The following TSNARE1 variants were observed in gnomAD, a reference collection of about 807,000 sequenced individuals.
TSNARE1 encodes the protein t-SNARE domain-containing protein 1.
In TSNARE1, 49 loss-of-function variants were observed where a neutral mutation model predicts 62.0. The ratio of observed to expected loss-of-function variants is 0.79; its 90% CI spans 0.63 to 1.00. The LOEUF is 1.00. Among genes scored for constraint, TSNARE1 ranks in the 50% least tolerant of loss-of-function variants. TSNARE1 has a pLI of 0.00. For missense variants in TSNARE1, 755 were observed against 700.1 expected, an observed-to-expected ratio of 1.08 and a Z score of -0.88; for synonymous variants, 328 against 294.4, an observed-to-expected ratio of 1.11 and a Z score of -1.17.
intron 12 of TSNARE1, among the ~76,000 whole-genome samples, chr8:142,264,600 G>C (rs893861804): frequency 6.6e-6 from 1 of 152,178 alleles, no homozygotes; most frequent in Admixed American, 6.5e-5. Context: ...AAGTGTAGAA[G>C]GGTTTAGGAT....
rs10110836 is a variant in TSNARE1, at chr8:142,344,551, G to T, written c.239-79C>A. 5.1e-6 allele frequency: 7 copies of T among 1,375,550 alleles called. No individual in the cohort carries two copies. The Admixed American group carries it at 2.2e-4, about 43-fold the overall frequency. 85.2% of individuals were successfully genotyped at this position (1,375,550 alleles called of 1,614,324 possible). Reference sequence around the variant, plus strand: ...GGCCCCGGCGGCAGCTCCCTACGGCGCCTCCTCTCTGGTTTCTGCTTCAGG... The same window carrying T: ...GGCCCCGGCGGCAGCTCCCTACGGCTCCTCCTCTCTGGTTTCTGCTTCAGG... On this transcript the variant is annotated intron_variant, in intron 3 of 13. Coordinates refer to ENST00000524325, the MANE Select transcript of TSNARE1 (RefSeq NM_145003.5).
chr8:142,343,933 AC>A (rs1354368829), intron 4 of TSNARE1, 32 bp downstream of exon 4: 14 of 1,494,578 alleles, frequency 9.4e-6, no homozygotes, highest in Non-Finnish European at 1.2e-5. Flanking sequence ...ACAGAGTGGC[AC>A]CCTAGCAAGG....
chr8:142,273,016 G>C, intron 12 of TSNARE1: 1 of 985,468 alleles, frequency 1.0e-6, no homozygotes, highest in South Asian at 4.7e-5. Context: ...TCTATGCAGA[G>C]GTGACTTCAC....
intron 12 of TSNARE1, among the ~76,000 whole-genome samples, chr8:142,268,218 C>T (rs892205950): frequency 3.3e-5 from 5 of 152,236 alleles, no homozygotes; most frequent in African/African-American, 9.6e-5. Context: ...TGGCCATGCT[C>T]CTGCCTGGCC....
intron 10 of TSNARE1, among the ~76,000 whole-genome samples, chr8:142,286,526 AG>A (rs1277961564): frequency 2.0e-5 from 3 of 152,312 alleles, no homozygotes. Context: ...GGTGGGGCCC[AG>A]GGGTCATGGC....
At position 142,265,271 on chromosome 8, in the gene TSNARE1, C is replaced by T. The variant is rs942800699; in HGVS notation, c.1446+9510G>A. 2.0e-4 allele frequency among the ~76,000 whole-genome samples: 30 copies of T among 152,242 alleles called. 2 individuals are homozygous for T. The highest frequency in any genetic ancestry group is 1.8e-3 in the Admixed American group (27 of 15,284). On this transcript the variant is annotated intron_variant, in intron 12 of 13. Transcript: ENST00000524325. ...ACCCTACCCCACTCCACTTCCCTAA[C>T]CCTTGACAACCAGCCACCGCTCTGC...
At position 142,212,479 on chromosome 8, in the gene TSNARE1, C is replaced by T. The variant is rs572884111; in HGVS notation, c.*12-166G>A. Among the ~76,000 whole-genome samples, 7 of 152,076 alleles carry T rather than the reference C, an allele frequency of 4.6e-5. No homozygotes were observed. The East Asian group carries it at 9.7e-4, about 21-fold the overall frequency. ...GAGTGGCCACCTGCAGCTGCAGGGGCCAGACCAGACTCTCCTGGCCCTGGT... is the reference window on the plus strand; with the variant it reads ...GAGTGGCCACCTGCAGCTGCAGGGGTCAGACCAGACTCTCCTGGCCCTGGT... On this transcript the variant is annotated intron_variant, in intron 13 of 13. Coordinates refer to ENST00000524325, the MANE Select transcript of TSNARE1 (RefSeq NM_145003.5).
At chr8:142,314,342 T>C (rs1301104232) in intron 9 of TSNARE1, 42 bp downstream of exon 9, 1 of 1,588,484 alleles carries the variant, frequency 6.3e-7, no homozygotes, top group Admixed American at 1.7e-5. Flanking sequence ...TTCTGGGCTG[T>C]CCCCTAACAG....
chr8:142,281,602 G>A (rs1821472675), intron 11 of TSNARE1, among the ~76,000 whole-genome samples: 1 of 152,040 alleles, frequency 6.6e-6, no homozygotes. Flanking sequence ...ACTGGACACA[G>A]TCACCCCAGG....
At chr8:142,267,768 T>C (rs772060541) in intron 12 of TSNARE1, among the ~76,000 whole-genome samples, 4 of 152,086 alleles carry the variant, frequency 2.6e-5, no homozygotes, top group Admixed American at 1.3e-4. Context: ...ATCCTCCTAA[T>C]CTCTCCTGGT....
intron 1 of TSNARE1, among the ~76,000 whole-genome samples, chr8:142,384,958 TAAGTA>T (rs1179385488): frequency 2.0e-5 from 3 of 152,038 alleles, no homozygotes; most frequent in African/African-American, 7.3e-5. Context: ...ACATCCACAA[TAAGTA>T]AAGAATTCCT....
At chr8:142,310,993 C>A (rs952801089) in intron 9 of TSNARE1, among the ~76,000 whole-genome samples, 6 of 152,002 alleles carry the variant, frequency 3.9e-5, no homozygotes, top group Admixed American at 1.3e-4. Flanking sequence ...GGATTACAGG[C>A]ACCTGCCACC....
At chr8:142,282,607 G>T (rs1821773622) in intron 11 of TSNARE1, among the ~76,000 whole-genome samples, 1 of 130,498 alleles carries the variant, frequency 7.7e-6, no homozygotes, top group Non-Finnish European at 1.7e-5. Flanking sequence ...AATGAGCAGA[G>T]GGGAGGCCAC....
chr8:142,365,602 G>GCACA (rs1554674591), intron 1 of TSNARE1, among the ~76,000 whole-genome samples: 5,755 of 144,348 alleles, frequency 0.04, 134 homozygotes, highest in African/African-American at 0.07. Flanking sequence ...ACATGCACAC[G>GCACA]CACACACACA....
intron 12 of TSNARE1, among the ~76,000 whole-genome samples, chr8:142,264,852 A>C (rs1819054292): frequency 6.6e-6 from 1 of 152,134 alleles, no homozygotes; most frequent in Non-Finnish European, 1.5e-5. Flanking sequence ...GACAGTCCTT[A>C]ACTCTGATGA....
At chr8:142,362,167 C>T (rs1269673527) in intron 1 of TSNARE1, among the ~76,000 whole-genome samples, 1 of 152,200 alleles carries the variant, frequency 6.6e-6, no homozygotes, top group East Asian at 1.9e-4. Context: ...AATCAGACAG[C>T]GGCACAGGAA....
intron 13 of TSNARE1, among the ~76,000 whole-genome samples, chr8:142,218,266 G>GGTGTGAGCAGGATCAGGATTCAGT (rs796678247): frequency 6.7e-6 from 1 of 149,218 alleles, no homozygotes; most frequent in Non-Finnish European, 1.5e-5. Context: ...TCAGGCTCAG[G>GGTGTGAGCAGGATCAGGATTCAGT]GTGTGGCCAG....
At chr8:142,312,633 T>C (rs2131574557) in intron 9 of TSNARE1, among the ~76,000 whole-genome samples, 2 of 152,318 alleles carry the variant, frequency 1.3e-5, no homozygotes, top group East Asian at 3.9e-4. Flanking sequence ...GCTTTTCCTG[T>C]AAAGTACTTG....
Position 142,365,208 on chromosome 8 carries a change from A to G in TSNARE1, c.-39-10445T>C, listed in dbSNP as rs188737248. On this transcript the variant is annotated intron_variant, in intron 1 of 13. Transcript: ENST00000524325. Reference sequence around the variant, plus strand: ...CACCACTTCCATGATCTCCCTGCCCAAAGTGTGTGACTGTGAGAAACAGCA... The same window carrying G: ...CACCACTTCCATGATCTCCCTGCCCGAAGTGTGTGACTGTGAGAAACAGCA... 1.1e-4 allele frequency among the ~76,000 whole-genome samples: 17 copies of G among 152,324 alleles called. No homozygotes were observed. In the East Asian group the frequency reaches 3.1e-3, roughly 28 times the overall value.
Sources: gnomAD v4.1 joint callset for allele counts (sites outside exome capture counted in the v4.1 genomes callset) on GRCh38, gnomAD v4.1.1 for gene constraint, MANE v1.5 for transcripts, NCBI Gene and HGNC (gene_info 2026-07-23, HGNC 2026-07-21) for gene names.